Variants in ECPAS observed in about 807,000 individuals in gnomAD.
ECPAS encodes Ecm29 proteasome adaptor and scaffold, also known as proteasome adapter and scaffold protein ECM29.
In ECPAS, 70 loss-of-function variants were observed where a neutral mutation model predicts 255.1. That is an observed-to-expected ratio of 0.27 (90% CI 0.23 to 0.33). The LOEUF is 0.33. Ranked by LOEUF, ECPAS falls within the 10% of genes least tolerant of loss-of-function variation. The pLI is 1.00. For missense variants in ECPAS, 1,817 were observed against 2,206.4 expected (o/e 0.82, Z 3.54); for synonymous variants, 784 against 775.0 (o/e 1.01, Z -0.19).
chr9:111,464,434 G>GAA (rs919587017), intron 2 of ECPAS, among the ~76,000 whole-genome samples: 2 of 89,910 alleles, frequency 2.2e-5, no homozygotes, highest in Non-Finnish European at 2.7e-5. Context: ...TATCTCAAAA[G>GAA]AAAAAAAAAA....
intron 1 of ECPAS, among the ~76,000 whole-genome samples, chr9:111,477,932 G>A (rs1006014046): frequency 6.3e-5 from 9 of 142,286 alleles, no homozygotes; most frequent in African/African-American, 2.4e-4. Flanking sequence ...ACAAGGTCTC[G>A]CTTTGTCACC....
At chr9:111,371,958 C>G (rs1466546041) in intron 42 of ECPAS, 129 bp from the exon 43 acceptor site, 5 of 684,686 alleles carry the variant, frequency 7.3e-6, no homozygotes, top group Non-Finnish European at 1.2e-5. Flanking sequence ...ACACCACTCT[C>G]TCAAAGGGAG....
chr9:111,452,007 C>A (rs1422683375), intron 2 of ECPAS, among the ~76,000 whole-genome samples: 2 of 152,120 alleles, frequency 1.3e-5, no homozygotes, highest in East Asian at 3.8e-4. Context: ...TTAGGGTTAC[C>A]TAGTTAGAAA....
intron 1 of ECPAS, among the ~76,000 whole-genome samples, chr9:111,475,961 G>A (rs2098295725): frequency 6.6e-6 from 1 of 152,106 alleles, no homozygotes. Context: ...TTTCAGTATG[G>A]TCACAGAATC....
chr9:111,475,699 G>A (rs1402204964), intron 1 of ECPAS, among the ~76,000 whole-genome samples: 1 of 149,890 alleles, frequency 6.7e-6, no homozygotes, highest in African/African-American at 2.5e-5. Flanking sequence ...TTGTGCCTCT[G>A]TACTCCAGCC....
intron 2 of ECPAS, among the ~76,000 whole-genome samples, chr9:111,463,336 A>G (rs1320893151): frequency 6.6e-6 from 1 of 152,230 alleles, no homozygotes; most frequent in Non-Finnish European, 1.5e-5. Context: ...TTTTGTGCCC[A>G]AAAGAGAGAA....
rs2098247784 is a variant in ECPAS, at chr9:111,442,867, G to A, written c.271-443C>T. On this transcript the variant is annotated intron_variant, in intron 4 of 49. Transcript: ENST00000684092. ...ACTAAAACAAACTTAGTATACTGCA[G>A]CACTCTGTGGTTCCTCACTCCAGTA... Among the ~76,000 whole-genome samples, 3 of 152,254 alleles carry A rather than the reference G, an allele frequency of 2.0e-5. No individual in the cohort carries two copies. The South Asian group carries it at 6.2e-4, about 32-fold the overall frequency.
chr9:111,401,671 G>T (rs577067694), intron 24 of ECPAS, among the ~76,000 whole-genome samples: 1 of 152,154 alleles, frequency 6.6e-6, no homozygotes, highest in African/African-American at 2.4e-5. Context: ...TAAGACAGAC[G>T]CTCCCAGAGT....
chr9:111,386,539 C>G lies in ECPAS; in HGVS notation c.3448-83G>C. ...TCAACTCTTAACCACACTGGTTAAC[C>G]ACACTTAACCACACTGACCATGTTT... On this transcript the variant is annotated intron_variant, in intron 31 of 49. Transcript: ENST00000684092. 2.1e-5 allele frequency: 15 copies of G among 722,574 alleles called. No individual in the cohort carries two copies. In the South Asian group the frequency reaches 2.4e-4, roughly 11 times the overall value. 44.8% of individuals were successfully genotyped at this position (722,574 alleles called of 1,614,324 possible).
chr9:111,425,913 A>T, intron 10 of ECPAS, 85 bp from the exon 11 acceptor site: 1 of 651,008 alleles, frequency 1.5e-6, no homozygotes, highest in Non-Finnish European at 2.6e-6. Flanking sequence ...TCAGCAGCAG[A>T]CCTTTCATAC....
chr9:111,400,404 G>A (rs1051852698), intron 24 of ECPAS, among the ~76,000 whole-genome samples: 14 of 152,238 alleles, frequency 9.2e-5, no homozygotes, highest in South Asian at 8.3e-4. Context: ...AAACATGTTC[G>A]AAAAAACATT....
intron 2 of ECPAS, among the ~76,000 whole-genome samples, chr9:111,470,404 G>C (rs796664816): frequency 2.6e-5 from 4 of 150,984 alleles, no homozygotes; most frequent in African/African-American, 9.7e-5. Context: ...TCCCCGTCCC[G>C]GGTTCAAGTG....
Position 111,469,225 on chromosome 9 carries a change from G to A in ECPAS, c.22+3672C>T, listed in dbSNP as rs577897797. Among the ~76,000 whole-genome samples, 6 of 152,076 alleles carry A rather than the reference G, an allele frequency of 3.9e-5. No homozygotes were observed. In the South Asian group the frequency reaches 1.0e-3, roughly 26 times the overall value. The stretch of plus-strand genomic sequence containing the variant: ...TGCATTCCAGCCTGGGCAACATAGC[G>A]AGACTCTGTCTCCAAAAAAACAAAG... On this transcript the variant is annotated intron_variant, in intron 2 of 49. Transcript: ENST00000684092.
intron 2 of ECPAS, among the ~76,000 whole-genome samples, chr9:111,464,413 G>A (rs2098276786): frequency 6.7e-6 from 1 of 148,428 alleles, no homozygotes; most frequent in Non-Finnish European, 1.5e-5. Flanking sequence ...ATGGGCAACT[G>A]AGCAAGATCC....
At chr9:111,432,547 G>T (rs1302280773) in intron 8 of ECPAS, among the ~76,000 whole-genome samples, 3 of 152,218 alleles carry the variant, frequency 2.0e-5, no homozygotes, top group Admixed American at 6.5e-5. Flanking sequence ...CTGGTAGGTG[G>T]AGGTTGCAGT....
At chr9:111,434,582 TAAC>T (rs1281345371) in intron 7 of ECPAS, among the ~76,000 whole-genome samples, 3 of 143,836 alleles carry the variant, frequency 2.1e-5, no homozygotes, top group Non-Finnish European at 4.5e-5. Context: ...GGATTCCAGT[TAAC>T]TTTTTTTTTT....
rs1455444472 is a variant in ECPAS, at chr9:111,406,244, T to C, written c.2652+2327A>G. ...GCAACATAGATGGAACCGGAGGACA[T>C]TATATTTAGCAAAAATAAGCCAGGC... is the stretch of plus-strand genomic sequence containing the variant. On this transcript the variant is annotated intron_variant, in intron 24 of 49. Coordinates refer to ENST00000684092, the MANE Select transcript of ECPAS (RefSeq NM_001364929.1). Among the ~76,000 whole-genome samples the C allele has an allele frequency of 2.0e-5, 3 of 149,682 alleles. 1 individual carries two copies. Among genetic ancestry groups the C allele is most frequent in the East Asian group, 2.0e-4 (1 of 4,960 alleles).
intron 25 of ECPAS, among the ~76,000 whole-genome samples, chr9:111,396,785 C>A (rs1223410283): frequency 6.6e-6 from 1 of 152,154 alleles, no homozygotes; most frequent in Non-Finnish European, 1.5e-5. Context: ...CTCCTGACCT[C>A]AGGTGATTCG....
At chr9:111,466,616 T>TACAC (rs55763374) in intron 2 of ECPAS, among the ~76,000 whole-genome samples, 6,134 of 143,454 alleles carry the variant, frequency 0.043, 192 homozygotes, top group African/African-American at 0.08. Flanking sequence ...AATAACTAAA[T>TACAC]ACACACACAC....
Sources: allele counts gnomAD v4.1 joint callset (sites outside exome capture counted in the v4.1 genomes callset), GRCh38; gene constraint gnomAD v4.1.1; transcripts MANE v1.5; gene names NCBI Gene and HGNC (gene_info 2026-07-23, HGNC 2026-07-21).